Variants in MAP3K9 observed in about 807,000 individuals in gnomAD.
The protein encoded by MAP3K9 is mitogen-activated protein kinase kinase kinase 9.
A neutral mutation model predicts 95.8 loss-of-function variants in MAP3K9; 46 were observed. That is an observed-to-expected ratio of 0.48 (90% confidence interval 0.38 to 0.61). MAP3K9 has a LOEUF of 0.61. Ranked by LOEUF, MAP3K9 falls within the 20% of genes least tolerant of loss-of-function variation. MAP3K9 has a pLI of 0.00. For synonymous variants in MAP3K9, 533 were observed against 593.8 expected, an observed-to-expected ratio of 0.90 and a Z score of 1.49; for missense variants, 1,296 against 1,474.3, an observed-to-expected ratio of 0.88 and a Z score of 1.98.
chr14:70,774,983 C>CAAAAAAAAAAAAAAAAAAAAAAAAAAAA (rs60144338), intron 2 of MAP3K9, among the ~76,000 whole-genome samples: 4 of 55,096 alleles, frequency 7.3e-5, no homozygotes, highest in Non-Finnish European at 8.9e-5. Context: ...ACTCTGTCCC[C>CAAAAAAAAAAAAAAAAAAAAAAAAAAAA]AAAAAAAAAA....
At chr14:70,790,040 G>A in intron 2 of MAP3K9, among the ~76,000 whole-genome samples, 1 of 152,178 alleles carries the variant, frequency 6.6e-6, no homozygotes, top group East Asian at 1.9e-4. Flanking sequence ...TAGCTCCAAG[G>A]ACAGAGTAGC....
Position 70,777,444 on chromosome 14 carries a change from G to A in MAP3K9, c.821-16262C>T, listed in dbSNP as rs140231200. Among the ~76,000 whole-genome samples, 4 of 152,258 alleles carry A rather than the reference G, an allele frequency of 2.6e-5. No individual in the cohort carries two copies. In the East Asian group the frequency reaches 5.8e-4, roughly 22 times the overall value. ...CACCAGCAACCATAGTCAGCCAAGG[G>A]AGAAGCATTACTCACTGCTCATTCA... On this transcript the variant is annotated intron_variant, in intron 2 of 11. Coordinates refer to ENST00000554752, the MANE Select transcript of MAP3K9 (RefSeq NM_001284230.2).
intron 2 of MAP3K9, among the ~76,000 whole-genome samples, chr14:70,768,314 A>T (rs922386614): frequency 2.4e-4 from 37 of 152,286 alleles, no homozygotes; most frequent in Non-Finnish European, 1.5e-4. Context: ...TTAAAAAAAA[A>T]TTTAAAGAAG....
At chr14:70,749,822 GA>G in intron 4 of MAP3K9, 110 bp downstream of exon 4, 1 of 1,354,874 alleles carries the variant, frequency 7.4e-7, no homozygotes, top group Non-Finnish European at 1.0e-6. Context: ...TTAGGTGACT[GA>G]AACTTTATCT....
In MAP3K9 at chr14:70,730,234, T is replaced by C; in HGVS notation, c.*146A>G. 8.0e-7 allele frequency: 1 copy of C among 1,244,498 alleles called. No individual in the cohort carries two copies. The highest frequency in any genetic ancestry group is 1.1e-6 in the Non-Finnish European group (1 of 911,388). 77.1% of individuals were successfully genotyped at this position (1,244,498 alleles called of 1,614,324 possible). On this transcript the variant is annotated 3_prime_UTR_variant, in exon 12 of 12. Coordinates refer to ENST00000554752, the MANE Select transcript of MAP3K9 (RefSeq NM_001284230.2). ...AGGAGACCCTCTGAAGTGGCCCTGT[T>C]TCCATCCCTTCCATCTTCAAAGTGC...
chr14:70,731,081 G>T (rs2053895835), intron 11 of MAP3K9, among the ~76,000 whole-genome samples: 1 of 151,474 alleles, frequency 6.6e-6, no homozygotes, highest in Non-Finnish European at 1.5e-5. Context: ...GACATTTGGG[G>T]GTCACATGTA....
At chr14:70,750,187 T>A (rs926587493) in intron 3 of MAP3K9, 106 bp from the exon 4 acceptor site, 2 of 1,002,260 alleles carry the variant, frequency 2.0e-6, no homozygotes, top group Admixed American at 2.6e-5. Flanking sequence ...CAACAGATAG[T>A]GAGACTAATG....
chr14:70,750,149 G>A (rs2054205090), intron 3 of MAP3K9, 68 bp from the exon 4 acceptor site: 2 of 1,400,692 alleles, frequency 1.4e-6, no homozygotes, highest in Non-Finnish European at 1.0e-6. Context: ...AATAGCTCGA[G>A]TCTTTTCTGA....
intron 2 of MAP3K9, among the ~76,000 whole-genome samples, chr14:70,771,243 T>C (rs1233812925): frequency 6.6e-6 from 1 of 152,200 alleles, no homozygotes; most frequent in Non-Finnish European, 1.5e-5. Flanking sequence ...GCATTTCACA[T>C]GTTCAATCTG....
chr14:70,773,937 T>C (rs1476090319), intron 2 of MAP3K9, among the ~76,000 whole-genome samples: 1 of 152,216 alleles, frequency 6.6e-6, no homozygotes, highest in Non-Finnish European at 1.5e-5. Context: ...GTTCAATTCC[T>C]ACAAAATATC....
intron 2 of MAP3K9, among the ~76,000 whole-genome samples, chr14:70,762,501 T>C (rs1328408221): frequency 1.3e-5 from 2 of 152,220 alleles, no homozygotes; most frequent in African/African-American, 2.4e-5. Flanking sequence ...ACTAATGATA[T>C]TGAACATCTA....
At chr14:70,751,385 A>T (rs2054225120) in intron 3 of MAP3K9, among the ~76,000 whole-genome samples, 1 of 152,212 alleles carries the variant, frequency 6.6e-6, no homozygotes, top group Non-Finnish European at 1.5e-5. Context: ...AAGTTTTGCA[A>T]CCAGCAACAA....
chr14:70,738,295 C>T lies in MAP3K9; in HGVS notation c.1794G>A (p.Thr598=), dbSNP rs146227942. 1.1e-5 allele frequency: 18 copies of T among 1,613,822 alleles called. No homozygotes were observed. Among genetic ancestry groups the T allele is most frequent in the African/African-American group, 8.0e-5 (6 of 74,932 alleles). The change falls in exon 8 of 12, where the codon ACG becomes ACA. Residue 598 remains threonine, a synonymous_variant. Transcript: ENST00000554752. ...TCTGACCAAGCGTCCCTGGCCCCCA[C>T]GTCCGTCCCTTCTTCTTTGGGGCCC... ...EKRAPKKKGR[T]WGPGTLGQKE... is the part of the protein sequence containing the mutation.
rs757325616 is a variant in MAP3K9, at chr14:70,740,115, C to T, written c.1617G>A (p.Arg539=). ...TGGAGCGGCTGTTGATAAGACTCTTCCTTTTATCCATGGTAGGGGAGGCCT... is the reference window on the plus strand; with the variant it reads ...TGGAGCGGCTGTTGATAAGACTCTTTCTTTTATCCATGGTAGGGGAGGCCT... ...TVQASPTMDK[R]KSLINSRSSP... is the part of the protein sequence containing the mutation. The change falls in exon 7 of 12, where the codon AGG becomes AGA. Residue 539 remains arginine, a synonymous_variant. Coordinates refer to ENST00000554752, the MANE Select transcript of MAP3K9 (RefSeq NM_001284230.2). The T allele has an allele frequency of 6.2e-7, 1 of 1,614,160 alleles. No homozygotes were observed.
intron 2 of MAP3K9, among the ~76,000 whole-genome samples, chr14:70,780,418 G>A (rs190044244): frequency 7.9e-5 from 12 of 152,214 alleles, no homozygotes; most frequent in South Asian, 6.2e-4. Flanking sequence ...CTTGGAGGCC[G>A]TACCCACTTC....
chr14:70,781,893 C>T (rs2054681452), intron 2 of MAP3K9, among the ~76,000 whole-genome samples: 1 of 152,202 alleles, frequency 6.6e-6, no homozygotes, highest in Admixed American at 6.5e-5. Flanking sequence ...TTCTTGGGAG[C>T]ATGGCTTTCC....
intron 2 of MAP3K9, among the ~76,000 whole-genome samples, chr14:70,787,354 A>T (rs1479405953): frequency 6.6e-6 from 1 of 151,980 alleles, no homozygotes; most frequent in African/African-American, 2.4e-5. Flanking sequence ...TAAAAATACA[A>T]AAAACTAGCT....
At chr14:70,788,430 G>A (rs769001987) in intron 2 of MAP3K9, among the ~76,000 whole-genome samples, 2 of 152,168 alleles carry the variant, frequency 1.3e-5, no homozygotes, top group Middle Eastern at 3.2e-3. Context: ...CTTCTACCCC[G>A]TAAGATGAGA....
rs1370711970 is a variant in MAP3K9, at chr14:70,761,183, C to T, written c.821-1G>A. ...TTCTCCACCTTCTGGAGGATCAATACTAGGCAAGGAAAAGAATACAGAAGA... is the reference window on the plus strand; with the variant it reads ...TTCTCCACCTTCTGGAGGATCAATATTAGGCAAGGAAAAGAATACAGAAGA... On this transcript the variant is annotated splice_acceptor_variant, in intron 2 of 11. Transcript: ENST00000554752. LOFTEE classifies it high-confidence loss of function. 1 of 1,610,676 alleles carries T rather than the reference C, an allele frequency of 6.2e-7. No homozygotes were observed. The highest frequency in any genetic ancestry group is 8.5e-7 in the Non-Finnish European group (1 of 1,178,178).
Sources: allele counts gnomAD v4.1 joint callset (sites outside exome capture counted in the v4.1 genomes callset), GRCh38; gene constraint gnomAD v4.1.1; transcripts MANE v1.5; gene names NCBI Gene and HGNC (gene_info 2026-07-23, HGNC 2026-07-21).